Variants in GFPT2 observed in about 807,000 individuals in gnomAD.
GFPT2 encodes the protein glutamine--fructose-6-phosphate transaminase 2, also known as glutamine--fructose-6-phosphate aminotransferase [isomerizing] 2.
Under a neutral mutation model 85.6 loss-of-function variants are expected in GFPT2, and 62 were observed. That is an observed-to-expected ratio of 0.72 (90% CI 0.59 to 0.90). The LOEUF is 0.90. GFPT2 is among the 40% of genes least tolerant of loss of function. The pLI is 0.00. For missense variants in GFPT2, 788 were observed against 893.4 expected (o/e 0.88, Z 1.50); for synonymous variants, 368 against 344.5 (o/e 1.07, Z -0.75).
At chr5:180,313,482 C>T (rs911875242) in intron 14 of GFPT2, among the ~76,000 whole-genome samples, 3 of 150,296 alleles carry the variant, frequency 2.0e-5, no homozygotes, top group Non-Finnish European at 3.0e-5. Flanking sequence ...CCCAGCTACT[C>T]GGGAGGCTGA....
chr5:180,338,456 C>T (rs370849069), intron 2 of GFPT2, 37 bp downstream of exon 2: 159 of 1,177,064 alleles, frequency 1.4e-4, no homozygotes, highest in Non-Finnish European at 1.5e-4. Flanking sequence ...CAGCGGAGCC[C>T]GGTCCCCAGC....
intron 4 of GFPT2, among the ~76,000 whole-genome samples, chr5:180,333,828 G>A (rs1445931442): frequency 6.6e-6 from 1 of 152,162 alleles, no homozygotes; most frequent in Non-Finnish European, 1.5e-5. Flanking sequence ...GGGTGTGGGT[G>A]GGCCTCCTGG....
chr5:180,326,375 G>C (rs73813209), intron 7 of GFPT2, among the ~76,000 whole-genome samples: 1,717 of 152,276 alleles, frequency 0.011, 35 homozygotes, highest in African/African-American at 0.04. Flanking sequence ...TTTTACCTTA[G>C]GTGATTTCTT....
chr5:180,313,735 G>T, intron 14 of GFPT2, 72 bp downstream of exon 14: 2 of 1,371,084 alleles, frequency 1.5e-6, no homozygotes, highest in Non-Finnish European at 9.9e-7. Context: ...GAGCAGGCCG[G>T]AGGAGGGCGG....
Position 180,307,243 on chromosome 5 carries a change from T to C in GFPT2, c.1607A>G (p.Tyr536Cys), listed in dbSNP as rs1179525436. The C allele has an allele frequency of 1.9e-6, 3 of 1,613,246 alleles. No individual in the cohort carries two copies. Among genetic ancestry groups the C allele is most frequent in the Non-Finnish European group, 2.5e-6 (3 of 1,179,518 alleles). Residue 536 changes from tyrosine to cysteine, a missense_variant, in exon 16 of 19, where the codon TAC becomes TGC. By Grantham distance (194) the Tyr-to-Cys change is radical. Transcript: ENST00000253778. ...CATCACCAGCAGCGATCTCTGCGTG[T>C]AGAGCTCCAGGGCCAAGTCGTGGAT... ...EKIHDLALEL[Y>C]TQRSLLVMGR...
chr5:180,310,464 G>A (rs1238635612), intron 15 of GFPT2, among the ~76,000 whole-genome samples: 1 of 147,278 alleles, frequency 6.8e-6, no homozygotes, highest in African/African-American at 2.5e-5. Flanking sequence ...AGGCTGGAGT[G>A]CAGTGGCAGA....
rs1384241079 is a variant in GFPT2, at chr5:180,313,897, G to T, written c.1341C>A (p.Val447=). Residue 447 remains valine, a synonymous_variant, in exon 14 of 19, where the codon GTC becomes GTA. Coordinates refer to ENST00000253778, the MANE Select transcript of GFPT2 (RefSeq NM_005110.4). ...CKDRGALTVG[V]TNTVGSSISR... Reference sequence around the variant, plus strand: ...AGATGGAGCTGCCCACGGTGTTGGTGACGCCCACGGTGAGAGCGCCGCGGT... The same window carrying T: ...AGATGGAGCTGCCCACGGTGTTGGTTACGCCCACGGTGAGAGCGCCGCGGT... 3 of 1,606,962 alleles carry T rather than the reference G, an allele frequency of 1.9e-6. No homozygotes were observed. Among genetic ancestry groups the T allele is most frequent in the Non-Finnish European group, 2.5e-6 (3 of 1,179,440 alleles).
chr5:180,334,764 G>C (rs1342793517), intron 4 of GFPT2, among the ~76,000 whole-genome samples: 1 of 152,162 alleles, frequency 6.6e-6, no homozygotes, highest in African/African-American at 2.4e-5. Flanking sequence ...GGACCCCCTG[G>C]AAGGCCCAGC....
intron 4 of GFPT2, 49 bp downstream of exon 4, chr5:180,335,779 C>T (rs925264020): frequency 1.3e-6 from 2 of 1,571,324 alleles, no homozygotes; most frequent in Admixed American, 1.9e-5. Context: ...GGCCCTGACA[C>T]AGCTCAGGGT....
intron 7 of GFPT2, among the ~76,000 whole-genome samples, chr5:180,327,480 G>A (rs981175389): frequency 2.0e-5 from 3 of 152,174 alleles, no homozygotes; most frequent in African/African-American, 7.2e-5. Context: ...GCCTGCCTGG[G>A]GCTACCTGCC....
intron 1 of GFPT2, among the ~76,000 whole-genome samples, chr5:180,349,238 T>G (rs1764665265): frequency 6.6e-6 from 1 of 151,892 alleles, no homozygotes; most frequent in African/African-American, 2.4e-5. Context: ...GCCCAGGAGT[T>G]CAAGGATGCA....
intron 7 of GFPT2, among the ~76,000 whole-genome samples, chr5:180,326,146 T>A (rs1209608271): frequency 6.6e-6 from 1 of 152,196 alleles, no homozygotes; most frequent in East Asian, 1.9e-4. Context: ...CTACCATAGG[T>A]GTGCACAGAA....
rs182327032 is a variant in GFPT2, at chr5:180,343,163, G to A, written c.8-4563C>T. Among the ~76,000 whole-genome samples the A allele has an allele frequency of 1.6e-3, 242 of 152,272 alleles. 1 individual carries two copies. The highest frequency in any genetic ancestry group is 5.2e-3 in the African/African-American group (214 of 41,540). ...ACAAAGGTTCAGAAATGTACCCATTGCCAACTCTGAAAAGGTTTTGCATCT... is the reference window on the plus strand; with the variant it reads ...ACAAAGGTTCAGAAATGTACCCATTACCAACTCTGAAAAGGTTTTGCATCT... On this transcript the variant is annotated intron_variant, in intron 1 of 18. Transcript: ENST00000253778.
At chr5:180,352,168 G>A (rs1273639155) in intron 1 of GFPT2, among the ~76,000 whole-genome samples, 1 of 152,072 alleles carries the variant, frequency 6.6e-6, no homozygotes, top group Non-Finnish European at 1.5e-5. Flanking sequence ...CTTCTGCCGA[G>A]CAGCTGGCCT....
intron 1 of GFPT2, among the ~76,000 whole-genome samples, chr5:180,348,478 C>A (rs1764651660): frequency 6.6e-6 from 1 of 152,204 alleles, no homozygotes; most frequent in South Asian, 2.1e-4. Context: ...AAGATCAAAG[C>A]TGGAGGTGCC....
intron 2 of GFPT2, 38 bp from the exon 3 acceptor site, chr5:180,336,615 G>A: frequency 7.3e-7 from 1 of 1,362,380 alleles, no homozygotes; most frequent in East Asian, 2.3e-5. Flanking sequence ...TGCAACCAAA[G>A]CTTTTTCTCA....
At position 180,313,901 on chromosome 5, in the gene GFPT2, CCCA is replaced by C; in HGVS notation, c.1334_1336del (p.Val445del). On this transcript the variant is annotated inframe_deletion, in exon 14 of 19. Transcript: ENST00000253778. ...GGAGCTGCCCACGGTGTTGGTGACG[CCCA>C]CGGTGAGAGCGCCGCGGTCCTTACA... The C allele has an allele frequency of 6.2e-7, 1 of 1,606,914 alleles. No individual in the cohort carries two copies. Among genetic ancestry groups the C allele is most frequent in the Non-Finnish European group, 8.5e-7 (1 of 1,179,462 alleles).
intron 3 of GFPT2, 92 bp downstream of exon 3, chr5:180,336,387 G>A: frequency 1.2e-6 from 1 of 801,712 alleles, no homozygotes; most frequent in Non-Finnish European, 2.3e-6. Flanking sequence ...TGGGACAAAG[G>A]AGAATCTCCA....
In GFPT2 at chr5:180,320,182, C is replaced by T. The variant is rs186167243; in HGVS notation, c.795-1226G>A. Among the ~76,000 whole-genome samples, 10 of 151,970 alleles carry T rather than the reference C, an allele frequency of 6.6e-5. No individual in the cohort carries two copies. In the East Asian group the frequency reaches 1.8e-3, roughly 27 times the overall value. The stretch of plus-strand genomic sequence containing the variant: ...TACTTTTTTGTATTTTTAGGAGAGA[C>T]GGGGTTTCACCGTGTTAGCCAGGAT... On this transcript the variant is annotated intron_variant, in intron 9 of 18. Coordinates refer to ENST00000253778, the MANE Select transcript of GFPT2 (RefSeq NM_005110.4).
Sources: gnomAD v4.1 joint callset for allele counts (sites outside exome capture counted in the v4.1 genomes callset) on GRCh38, gnomAD v4.1.1 for gene constraint, MANE v1.5 for transcripts, NCBI Gene and HGNC (gene_info 2026-07-23, HGNC 2026-07-21) for gene names.